ACSM6: variants seen among roughly 807,000 people sequenced by gnomAD.
The protein encoded by ACSM6 is acyl-coenzyme A synthetase ACSM6, mitochondrial.
Under a neutral mutation model 51.1 loss-of-function variants are expected in ACSM6, and 35 were observed. That is an observed-to-expected ratio of 0.69 (90% CI 0.52 to 0.91). The LOEUF is 0.91. ACSM6 is among the 40% of genes least tolerant of loss of function. The pLI is 0.00. For missense variants in ACSM6, 509 were observed against 584.1 expected, an observed-to-expected ratio of 0.87 and a Z score of 1.32; for synonymous variants, 172 against 207.3, an observed-to-expected ratio of 0.83 and a Z score of 1.46.
chr10:95,201,258 G>A (rs1350470114), intron 2 of ACSM6, among the ~76,000 whole-genome samples: 1 of 152,134 alleles, frequency 6.6e-6, no homozygotes, highest in African/African-American at 2.4e-5. Context: ...AGCTTCTAGT[G>A]TACTCATCAC....
intron 9 of ACSM6, among the ~76,000 whole-genome samples, chr10:95,223,908 TAC>T (rs1265999759): frequency 6.6e-6 from 1 of 152,146 alleles, no homozygotes; most frequent in Non-Finnish European, 1.5e-5. Flanking sequence ...TCCTAAGGAA[TAC>T]ACACACACTA....
At chr10:95,207,956 C>A (rs1337414430) in intron 4 of ACSM6, among the ~76,000 whole-genome samples, 3 of 151,992 alleles carry the variant, frequency 2.0e-5, no homozygotes, top group Non-Finnish European at 4.4e-5. Flanking sequence ...GCCTGGCCAA[C>A]ATGGTGAAAC....
exon 11 of ACSM6, chr10:95,228,668 G>A: frequency 1.9e-6 from 3 of 1,551,644 alleles, no homozygotes; most frequent in Non-Finnish European, 2.6e-6. Context: ...ATATGCTTCA[G>A]CAAGAGGCCA....
rs577596319 is a variant in ACSM6, at chr10:95,196,631, ATAAC to A, written c.192+1957_192+1960del. ...TCACAAAAGTGGAGTCATTCTATAT[ATAAC>A]TATTTGTAACCTGGAATCACACTTG... On this transcript the variant is annotated intron_variant, in intron 2 of 10. Coordinates refer to ENST00000341686, the Ensembl canonical transcript of ACSM6. Among the ~76,000 whole-genome samples the A allele has an allele frequency of 3.5e-4, 53 of 152,360 alleles. No homozygotes were observed. In the South Asian group the frequency reaches 0.011, roughly 32 times the overall value.
intron 4 of ACSM6, among the ~76,000 whole-genome samples, chr10:95,208,574 C>T (rs1317243466): frequency 6.6e-6 from 1 of 152,126 alleles, no homozygotes; most frequent in Non-Finnish European, 1.5e-5. Context: ...TACAGTAGTG[C>T]CCCCTTATCT....
intron 7 of ACSM6, 65 bp downstream of exon 7, chr10:95,213,005 C>T: frequency 7.3e-7 from 1 of 1,377,238 alleles, no homozygotes; most frequent in Admixed American, 1.7e-5. Context: ...AAATTAGGAC[C>T]CCTTAATTTG....
At chr10:95,207,263 A>G (rs2034847392) in exon 4 of ACSM6, 4 of 1,614,128 alleles carry the variant, frequency 2.5e-6, no homozygotes, top group Non-Finnish European at 3.4e-6. Context: ...TTCGCTATCA[A>G]TTACGCATGT....
Position 95,210,603 on chromosome 10 carries a change from G to A in ACSM6, c.612-47G>A, listed in dbSNP as rs751410653. ...AACCCAGGGCCTAGGCACTTAATCA[G>A]AGAACCTAAATTTAGATCTCACTGT... On this transcript the variant is annotated intron_variant, in intron 4 of 10. Transcript: ENST00000341686. The A allele has an allele frequency of 3.0e-5, 47 of 1,580,424 alleles. No individual in the cohort carries two copies. The South Asian group carries it at 4.8e-4, about 16-fold the overall frequency.
intron 9 of ACSM6, among the ~76,000 whole-genome samples, chr10:95,224,652 G>A (rs925048843): frequency 1.7e-4 from 26 of 151,854 alleles, no homozygotes; most frequent in African/African-American, 5.3e-4. Flanking sequence ...TGCCCACCTC[G>A]GCCTCCCAAA....
Position 95,219,872 on chromosome 10 carries a change from T to C in ACSM6, c.1120-19T>C. 3 of 1,594,828 alleles carry C rather than the reference T, an allele frequency of 1.9e-6. No individual in the cohort carries two copies. The highest frequency in any genetic ancestry group is 2.6e-6 in the Non-Finnish European group (3 of 1,167,620). Reference sequence around the variant, plus strand: ...TATTGCTTTTTTAAAGAAAAACTTGTCTGCATTTCTTTGAACAGGGTCTAC... The same window carrying C: ...TATTGCTTTTTTAAAGAAAAACTTGCCTGCATTTCTTTGAACAGGGTCTAC... On this transcript the variant is annotated intron_variant, in intron 8 of 10. Transcript: ENST00000341686.
chr10:95,195,598 G>A (rs1257687908), intron 2 of ACSM6, among the ~76,000 whole-genome samples: 1 of 152,186 alleles, frequency 6.6e-6, no homozygotes, highest in East Asian at 1.9e-4. Flanking sequence ...AAGTGGGGCT[G>A]GTGGTGCCCG....
Position 95,215,103 on chromosome 10 carries a change from T to C in ACSM6, c.1119+128T>C, listed in dbSNP as rs1254801587. 4 of 1,125,182 alleles carry C rather than the reference T, an allele frequency of 3.6e-6. No individual in the cohort carries two copies. In the East Asian group the frequency reaches 1.1e-4, roughly 30 times the overall value. 69.7% of individuals were successfully genotyped at this position (1,125,182 alleles called of 1,614,324 possible). ...GGATCTTAAGCACAGGAAGAGGAAA[T>C]GGCTTAAACTAGGGAGACCCCTCTT... is the stretch of plus-strand genomic sequence containing the variant. On this transcript the variant is annotated intron_variant, in intron 8 of 10. Coordinates refer to ENST00000341686, the Ensembl canonical transcript of ACSM6.
chr10:95,225,168 A>C (rs1201491662), intron 9 of ACSM6, 122 bp from the exon 10 acceptor site: 1 of 730,046 alleles, frequency 1.4e-6, no homozygotes, highest in Non-Finnish European at 2.3e-6. Context: ...AAGTACACCA[A>C]CCAAGCACTT....
At chr10:95,225,597 C>G (rs1282131504) in intron 10 of ACSM6, 4 of 438,356 alleles carry the variant, frequency 9.1e-6, no homozygotes, top group African/African-American at 8.2e-5. Flanking sequence ...CATATTTGCA[C>G]ATTTTTGATG....
At chr10:95,224,290 C>T (rs922949879) in intron 9 of ACSM6, among the ~76,000 whole-genome samples, 3 of 152,152 alleles carry the variant, frequency 2.0e-5, no homozygotes, top group African/African-American at 7.2e-5. Context: ...TCCAAGGTGA[C>T]AATTTGGAAG....
intron 4 of ACSM6, among the ~76,000 whole-genome samples, chr10:95,208,519 T>C (rs1028680347): frequency 6.6e-6 from 1 of 152,154 alleles, no homozygotes; most frequent in African/African-American, 2.4e-5. Flanking sequence ...GAAATACTTA[T>C]TAAAATAGCG....
At chr10:95,216,275 C>A (rs527403879) in intron 8 of ACSM6, among the ~76,000 whole-genome samples, 2 of 152,158 alleles carry the variant, frequency 1.3e-5, no homozygotes, top group African/African-American at 4.8e-5. Context: ...GAGAGTGCCA[C>A]CCTCATGACC....
chr10:95,201,441 G>A (rs2034793271), intron 2 of ACSM6: 1 of 454,846 alleles, frequency 2.2e-6, no homozygotes, highest in South Asian at 1.6e-5. Flanking sequence ...TTTCCCATAG[G>A]ATAATGGCCT....
intron 2 of ACSM6, among the ~76,000 whole-genome samples, chr10:95,195,809 G>A (rs558896739): frequency 6.6e-6 from 1 of 152,228 alleles, no homozygotes; most frequent in South Asian, 2.1e-4. Flanking sequence ...TGCCTTTGGT[G>A]CATCATCTAG....
Sources: allele counts gnomAD v4.1 joint callset (sites outside exome capture counted in the v4.1 genomes callset), GRCh38; gene constraint gnomAD v4.1.1; transcripts MANE v1.5; gene names NCBI Gene and HGNC (gene_info 2026-07-23, HGNC 2026-07-21).